The following MCF2L variants were observed in gnomAD, a reference collection of about 807,000 sequenced individuals.
MCF2L encodes MCF.2 cell line derived transforming sequence like.
In MCF2L, 97 loss-of-function variants were observed where a neutral mutation model predicts 153.4. That is an observed-to-expected ratio of 0.63 (90% confidence interval 0.54 to 0.75). The LOEUF (loss-of-function observed/expected upper bound fraction) is 0.75, where lower values mean the gene tolerates loss of function less well. Among genes scored for constraint, MCF2L ranks in the 30% least tolerant of loss-of-function variants. The pLI, the probability that MCF2L is intolerant of heterozygous loss-of-function variation, is 0.00. For synonymous variants in MCF2L, 659 were observed against 632.2 expected (o/e 1.04, Z -0.64); for missense variants, 1,347 against 1,495.2 (o/e 0.90, Z 1.64).
At chr13:112,902,123 G>T in intron 1 of MCF2L, 1 of 1,229,496 alleles carries the variant, frequency 8.1e-7, no homozygotes, top group East Asian at 2.4e-5. Flanking sequence ...AGTTATTTCG[G>T]TTTTGTTCAG....
chr13:113,033,925 C>T (rs2085965916), intron 3 of MCF2L: 1 of 167,056 alleles, frequency 6.0e-6, no homozygotes, highest in African/African-American at 2.4e-5. Flanking sequence ...GTCGCGGAGG[C>T]CCTGCCATTC....
chr13:112,979,362 CG>C, intron 1 of MCF2L: 1 of 1,319,222 alleles, frequency 7.6e-7, no homozygotes, highest in African/African-American at 1.5e-5. Context: ...TCTAGCACCT[CG>C]GCATTGTCTG....
chr13:112,957,637 A>T (rs2081774958), intron 2 of MCF2L: 1 of 151,306 alleles, frequency 6.6e-6, no homozygotes, highest in South Asian at 2.1e-4. Context: ...TTTTTTGTTC[A>T]TGAAGTAGAA....
intron 2 of MCF2L, among the ~76,000 whole-genome samples, chr13:112,914,627 C>A (rs2081271694): frequency 6.6e-6 from 1 of 152,220 alleles, no homozygotes; most frequent in Non-Finnish European, 1.5e-5. Context: ...AGGCTGATGT[C>A]CTTGTCTGAT....
In MCF2L at chr13:112,973,450, C is replaced by T. The variant is rs183395264; in HGVS notation, c.79+3992C>T. 1.1e-3 allele frequency among the ~76,000 whole-genome samples: 168 copies of T among 152,238 alleles called. 1 individual carries two copies. The highest frequency in any genetic ancestry group is 4.9e-4 in the Non-Finnish European group (33 of 68,012). On this transcript the variant is annotated intron_variant, in intron 1 of 29. Coordinates refer to ENST00000535094, the MANE Select transcript of MCF2L (RefSeq NM_001112732.3). ...TTATGGATCTTGTTAGTAGGGATTC[C>T]GGAGCAGGTTTTAGAGATTTGAGCG...
chr13:112,974,250 C>T (rs543286622), intron 1 of MCF2L, among the ~76,000 whole-genome samples: 19 of 152,304 alleles, frequency 1.2e-4, no homozygotes, highest in African/African-American at 2.4e-4. Flanking sequence ...GCACCAGTTC[C>T]GCAAAGGCAC....
At position 112,983,766 on chromosome 13, in the gene MCF2L, C is replaced by A. The variant is rs1026328914; in HGVS notation, c.79+14308C>A. On this transcript the variant is annotated intron_variant, in intron 1 of 29. Transcript: ENST00000535094. The surrounding 1 kb of genome is among the most constrained non-coding windows in gnomAD (Gnocchi z 4.0). ...CTCCTGGGCCTTCCCTTCTGCCTGG[C>A]TTCCTCCTCCTCCACCCGTCCACCT... Among the ~76,000 whole-genome samples, 1 of 152,222 alleles carries A rather than the reference C, an allele frequency of 6.6e-6. No homozygotes were observed. The highest frequency in any genetic ancestry group is 1.9e-4 in the East Asian group (1 of 5,192).
chr13:112,992,698 G>A (rs1400354499), intron 1 of MCF2L, among the ~76,000 whole-genome samples: 8 of 152,188 alleles, frequency 5.3e-5, no homozygotes. Flanking sequence ...TATTCTAGCT[G>A]GGGAAAGGTG....
In MCF2L at chr13:113,096,927, CGG is replaced by C; in HGVS notation, c.*69_*70del. The C allele has an allele frequency of 8.7e-7, 1 of 1,145,880 alleles. No homozygotes were observed. Among genetic ancestry groups the C allele is most frequent in the Non-Finnish European group, 1.1e-6 (1 of 889,750 alleles). The allele number at this position is 1,145,880 out of a possible 1,614,324, so 71.0% of individuals were successfully genotyped here. ...GGTGGCGTGGGGAGGGCGCGGCCCC[CGG>C]ACGCCCCGAGGAAGGGGCACCTCAC... On this transcript the variant is annotated 3_prime_UTR_variant, in exon 30 of 30. Coordinates refer to ENST00000535094, the MANE Select transcript of MCF2L (RefSeq NM_001112732.3).
At chr13:113,094,434 A>G in intron 26 of MCF2L, 80 bp from the exon 27 acceptor site, 5 of 1,463,402 alleles carry the variant, frequency 3.4e-6, no homozygotes, top group Non-Finnish European at 4.6e-6. Flanking sequence ...GGTCTGTGGG[A>G]CTTAGCTGAC....
intron 1 of MCF2L, among the ~76,000 whole-genome samples, 189 bp from the exon 2 acceptor site, chr13:113,014,574 C>T (rs2084386365): frequency 6.6e-6 from 1 of 152,206 alleles, no homozygotes; most frequent in African/African-American, 2.4e-5. Flanking sequence ...AATCACTCAA[C>T]ACACAGCTTT....
intron 1 of MCF2L, among the ~76,000 whole-genome samples, chr13:112,999,393 C>T (rs2083269170): frequency 6.6e-6 from 1 of 152,110 alleles, no homozygotes; most frequent in East Asian, 1.9e-4. Context: ...CCCCACACGA[C>T]GCCCTCTCCT....
intron 2 of MCF2L, chr13:112,910,575 A>G (rs562290416): frequency 2.6e-5 from 4 of 152,392 alleles, no homozygotes; most frequent in East Asian, 3.9e-4. Context: ...GCAGTTTTGT[A>G]AAAGACTTAA....
chr13:112,929,433 G>C (rs927501406), intron 2 of MCF2L, among the ~76,000 whole-genome samples: 5 of 152,228 alleles, frequency 3.3e-5, no homozygotes, highest in African/African-American at 1.2e-4. Context: ...ATGGGATAAA[G>C]CCATTTATCT....
chr13:113,065,972 C>T, intron 7 of MCF2L, 74 bp from the exon 8 acceptor site: 5 of 1,501,830 alleles, frequency 3.3e-6, no homozygotes, highest in Non-Finnish European at 3.6e-6. Flanking sequence ...GAGCAAGGCC[C>T]CACGAGGCCT....
intron 2 of MCF2L, among the ~76,000 whole-genome samples, chr13:112,955,111 G>A (rs2081741287): frequency 6.6e-6 from 1 of 152,218 alleles, no homozygotes; most frequent in African/African-American, 2.4e-5. Context: ...GGGACTCAGG[G>A]ACCCGAGGGA....
intron 1 of MCF2L, among the ~76,000 whole-genome samples, chr13:112,981,562 C>T (rs2082426731): frequency 6.6e-6 from 1 of 152,230 alleles, no homozygotes; most frequent in East Asian, 1.9e-4. Flanking sequence ...GAGCCCGTGG[C>T]ATCTGGGTGG....
intron 3 of MCF2L, among the ~76,000 whole-genome samples, chr13:113,037,015 A>AC (rs904392501): frequency 1.3e-5 from 2 of 151,988 alleles, no homozygotes; most frequent in African/African-American, 4.8e-5. Flanking sequence ...GGTGTTTGGA[A>AC]CCCCCAGACT....
At chr13:113,089,512 G>A in intron 25 of MCF2L, 98 bp from the exon 26 acceptor site, 1 of 782,312 alleles carries the variant, frequency 1.3e-6, no homozygotes, top group Non-Finnish European at 2.2e-6. Context: ...ATCAGGCCGG[G>A]AGCTCAGAGA....
Sources: gnomAD v4.1 joint callset for allele counts (sites outside exome capture counted in the v4.1 genomes callset) on GRCh38, gnomAD v4.1.1 for gene constraint, Gnocchi (gnomAD v3.1) non-coding constraint, MANE v1.5 for transcripts, NCBI Gene and HGNC (gene_info 2026-07-23, HGNC 2026-07-21) for gene names.